AGAP1: variants seen among roughly 807,000 people sequenced by gnomAD.
AGAP1 encodes arf-GAP with GTPase, ANK repeat and PH domain-containing protein 1.
Under a neutral mutation model 105.3 loss-of-function variants are expected in AGAP1, and 29 were observed. The ratio of observed to expected loss-of-function variants is 0.28; its 90% CI spans 0.21 to 0.38. The LOEUF is 0.38. Ranked by LOEUF, AGAP1 falls within the 10% of genes least tolerant of loss-of-function variation. AGAP1 has a pLI of 1.00. For synonymous variants in AGAP1, 509 were observed against 485.9 expected (o/e 1.05, Z -0.63); for missense variants, 998 against 1,165.1 (o/e 0.86, Z 2.09).
chr2:235,917,394 G>A (rs1384444265), intron 11 of AGAP1, among the ~76,000 whole-genome samples: 2 of 152,152 alleles, frequency 1.3e-5, no homozygotes, highest in African/African-American at 4.8e-5. Context: ...TGAATATTCA[G>A]TGACCTAGAA....
chr2:235,798,008 G>A, intron 7 of AGAP1, 122 bp downstream of exon 7: 1 of 1,224,612 alleles, frequency 8.2e-7, no homozygotes, highest in Admixed American at 2.4e-5. Context: ...ACAGCATGTT[G>A]TAATTGACTT....
chr2:235,887,598 C>A lies in AGAP1; in HGVS notation c.1155+4149C>A, dbSNP rs545642617. Among the ~76,000 whole-genome samples the A allele has an allele frequency of 7.9e-4, 120 of 152,294 alleles. No homozygotes were observed. Among genetic ancestry groups the A allele is most frequent in the Admixed American group, 2.0e-3 (30 of 15,300 alleles). Reference sequence around the variant, plus strand: ...GGGCCCAGGTTCCAACACAAGAGCCCCCGGAGCAGGGGCCTGCATTGATCT... The same window carrying A: ...GGGCCCAGGTTCCAACACAAGAGCCACCGGAGCAGGGGCCTGCATTGATCT... On this transcript the variant is annotated intron_variant, in intron 10 of 17. Transcript: ENST00000304032. This position sits in a 1 kb window ranked among gnomAD's most constrained non-coding sequence, Gnocchi z 4.1.
chr2:235,924,118 C>T (rs1422370517), intron 11 of AGAP1, among the ~76,000 whole-genome samples: 1 of 152,118 alleles, frequency 6.6e-6, no homozygotes, highest in Non-Finnish European at 1.5e-5. Context: ...TCTCACCAGT[C>T]TGTTCATTCT....
chr2:235,938,837 G>A (rs1038649363), intron 12 of AGAP1, among the ~76,000 whole-genome samples: 14 of 152,102 alleles, frequency 9.2e-5, no homozygotes, highest in African/African-American at 1.4e-4. Flanking sequence ...TGGGAGGGCC[G>A]GAGGACCCTC....
rs904885513 is a variant in AGAP1, at chr2:235,799,260, C to T, written c.802-107C>T. The stretch of plus-strand genomic sequence containing the variant: ...ACGCAAGTCAGCCATTCCCATGCAT[C>T]CCTTCCATGGGGCTCATGCTCACTT... On this transcript the variant is annotated intron_variant, in intron 7 of 17. Transcript: ENST00000304032. This position sits in a 1 kb window ranked among gnomAD's most constrained non-coding sequence, Gnocchi z 5.0. The T allele has an allele frequency of 1.0e-5, 13 of 1,296,412 alleles. No homozygotes were observed. The Admixed American group carries it at 2.7e-4, about 27-fold the overall frequency. The allele number at this position is 1,296,412 out of a possible 1,614,324, so 80.3% of individuals were successfully genotyped here. A position where few individuals can be genotyped will look rare whatever the true frequency, so the allele number is the denominator to read the frequency against.
chr2:236,026,342 AC>A (rs1052624690), intron 13 of AGAP1, among the ~76,000 whole-genome samples: 145 of 152,366 alleles, frequency 9.5e-4, no homozygotes, highest in African/African-American at 3.3e-3. Context: ...GGCAGGTGGC[AC>A]GTGGAAGGCC....
In AGAP1 at chr2:235,992,893, A is replaced by G. The variant is rs1190593936; in HGVS notation, c.1645+24270A>G. On this transcript the variant is annotated intron_variant, in intron 13 of 17. Coordinates refer to ENST00000304032, the MANE Select transcript of AGAP1 (RefSeq NM_001037131.3). This position sits in a 1 kb window ranked among gnomAD's most constrained non-coding sequence, Gnocchi z 4.8. The stretch of plus-strand genomic sequence containing the variant: ...TGTTGGCCTCTTTCCGTCGTGAACC[A>G]TGGACGTCTCTCCTTGACCTCCTCC... Among the ~76,000 whole-genome samples, 1 of 152,134 alleles carries G rather than the reference A, an allele frequency of 6.6e-6. No homozygotes were observed. The highest frequency in any genetic ancestry group is 1.5e-5 in the Non-Finnish European group (1 of 68,026).
intron 1 of AGAP1, among the ~76,000 whole-genome samples, chr2:235,696,780 A>G (rs1187801201): frequency 6.6e-6 from 1 of 151,950 alleles, no homozygotes; most frequent in Non-Finnish European, 1.5e-5. Context: ...CCCACCTTAT[A>G]CGAGACCATC....
rs577958305 is a variant in AGAP1 at position 236,097,068 on chromosome 2, G to A, written c.2115-23124G>A. 1.8e-3 allele frequency among the ~76,000 whole-genome samples: 281 copies of A among 152,256 alleles called. 1 individual carries two copies. Among genetic ancestry groups the A allele is most frequent in the Non-Finnish European group, 2.3e-3 (155 of 68,014 alleles). On this transcript the variant is annotated intron_variant, in intron 16 of 17. Transcript: ENST00000304032. ...TCTGTCCTTATGGTTTGGGATTCAA[G>A]TGAAACCTATTTCCTCCTGCAAAGT...
At chr2:235,629,093 A>C (rs990043011) in intron 1 of AGAP1, among the ~76,000 whole-genome samples, 7 of 152,110 alleles carry the variant, frequency 4.6e-5, no homozygotes, top group African/African-American at 1.7e-4. Flanking sequence ...TATAGGTGTG[A>C]GCCATTGTAT....
In AGAP1 at chr2:236,037,610, G is replaced by A. The variant is rs182525627; in HGVS notation, c.1800+895G>A. ...ATTTGTGGAGGTGGGGTTTCATCACGTTGCCCAGGCTGGTCTCAAACTCTT... is the reference window on the plus strand; with the variant it reads ...ATTTGTGGAGGTGGGGTTTCATCACATTGCCCAGGCTGGTCTCAAACTCTT... On this transcript the variant is annotated intron_variant, in intron 14 of 17. Transcript: ENST00000304032. Among the ~76,000 whole-genome samples, 384 of 152,096 alleles carry A rather than the reference G, an allele frequency of 2.5e-3. 3 individuals carry two copies. Among genetic ancestry groups the A allele is most frequent in the African/African-American group, 8.7e-3 (360 of 41,482 alleles).
chr2:235,694,635 G>A (rs928103266), intron 1 of AGAP1, among the ~76,000 whole-genome samples: 2 of 151,558 alleles, frequency 1.3e-5, no homozygotes, highest in Non-Finnish European at 1.5e-5. Context: ...GCAATAGAAC[G>A]AGACTCCGCC....
chr2:235,637,257 C>G (rs1947034609), intron 1 of AGAP1, among the ~76,000 whole-genome samples: 1 of 151,990 alleles, frequency 6.6e-6, no homozygotes, highest in Admixed American at 6.6e-5. Flanking sequence ...CCAGCACCTC[C>G]TAGGACCTCA....
At chr2:235,862,460 C>A (rs1457808985) in intron 9 of AGAP1, among the ~76,000 whole-genome samples, 2 of 152,170 alleles carry the variant, frequency 1.3e-5, no homozygotes, top group Non-Finnish European at 2.9e-5. Context: ...GTGCATTTTC[C>A]ATGCCCGTTC....
At chr2:235,704,795 A>G (rs1303389713) in intron 1 of AGAP1, among the ~76,000 whole-genome samples, 2 of 152,096 alleles carry the variant, frequency 1.3e-5, no homozygotes, top group African/African-American at 2.4e-5. Flanking sequence ...AGAATCTGGC[A>G]TTGCCAAGGA....
In AGAP1 at chr2:235,792,020, G is replaced by A. The variant is rs1957007715; in HGVS notation, c.674-5739G>A. 6.6e-6 allele frequency among the ~76,000 whole-genome samples: 1 copy of A among 152,202 alleles called. No individual in the cohort carries two copies. The highest frequency in any genetic ancestry group is 2.1e-4 in the South Asian group (1 of 4,834). ...AATTTCATCAGTGTGTCTATGGTGA[G>A]CATTTAAAATACGGTTTTATTGGAG... On this transcript the variant is annotated intron_variant, in intron 6 of 17. Transcript: ENST00000304032. The surrounding 1 kb of genome is among the most constrained non-coding windows in gnomAD (Gnocchi z 5.3).
At chr2:235,674,327 G>A (rs1164822600) in intron 1 of AGAP1, among the ~76,000 whole-genome samples, 1 of 152,234 alleles carries the variant, frequency 6.6e-6, no homozygotes, top group Admixed American at 6.5e-5. Context: ...GTTGACTCAA[G>A]TATAATTTAA....
intron 13 of AGAP1, among the ~76,000 whole-genome samples, chr2:235,980,140 C>T (rs559834313): frequency 6.6e-6 from 1 of 152,124 alleles, no homozygotes; most frequent in African/African-American, 2.4e-5. Flanking sequence ...AATCAAGTGG[C>T]GCTGAATATT....
intron 9 of AGAP1, among the ~76,000 whole-genome samples, chr2:235,868,550 G>A (rs1276525597): frequency 6.6e-6 from 1 of 152,152 alleles, no homozygotes; most frequent in Non-Finnish European, 1.5e-5. Context: ...TCTGTGTAAC[G>A]ATGATCCCTG....
Sources: gnomAD v4.1 joint callset for allele counts (sites outside exome capture counted in the v4.1 genomes callset) on GRCh38, gnomAD v4.1.1 for gene constraint, Gnocchi (gnomAD v3.1) non-coding constraint, MANE v1.5 for transcripts, NCBI Gene and HGNC (gene_info 2026-07-23, HGNC 2026-07-21) for gene names.